Variants in TTLL5 observed in about 807,000 individuals in gnomAD.
The protein encoded by TTLL5 is tubulin tyrosine ligase like 5.
A neutral mutation model predicts 168.4 loss-of-function variants in TTLL5; 132 were observed. That is an observed-to-expected ratio of 0.78 (90% confidence interval 0.68 to 0.91). The LOEUF is 0.91. Among genes scored for constraint, TTLL5 ranks in the 40% least tolerant of loss-of-function variants. The pLI, the probability that TTLL5 is intolerant of heterozygous loss-of-function variation, is 0.00. For missense variants in TTLL5, 1,545 were observed against 1,581.5 expected (o/e 0.98, Z 0.39); for synonymous variants, 546 against 558.6 (o/e 0.98, Z 0.32).
chr14:75,930,526 G>C, intron 31 of TTLL5: 1 of 872,718 alleles, frequency 1.1e-6, no homozygotes, highest in Non-Finnish European at 1.4e-6. Context: ...AACACTTCTA[G>C]TCACAAGCAT....
Position 75,714,571 on chromosome 14 carries a change from G to A in TTLL5, c.741-3290G>A, listed in dbSNP as rs541691816. On this transcript the variant is annotated intron_variant, in intron 9 of 31. Transcript: ENST00000298832. The stretch of plus-strand genomic sequence containing the variant: ...TATTTATACCAATGCAGACTCAAGC[G>A]TTCCTGTTTTATTTAATGGGTTATA... 9.3e-4 allele frequency among the ~76,000 whole-genome samples: 142 copies of A among 152,120 alleles called. 1 individual carries two copies. Among genetic ancestry groups the A allele is most frequent in the Admixed American group, 1.8e-3 (27 of 15,288 alleles).
At chr14:75,847,047 G>T (rs1421228281) in intron 28 of TTLL5, among the ~76,000 whole-genome samples, 2 of 151,954 alleles carry the variant, frequency 1.3e-5, no homozygotes, top group South Asian at 4.1e-4. Flanking sequence ...TGTCGCCCAG[G>T]CTGCAGTATA....
At chr14:75,882,442 A>G (rs2031868697) in intron 29 of TTLL5, among the ~76,000 whole-genome samples, 1 of 152,200 alleles carries the variant, frequency 6.6e-6, no homozygotes, top group African/African-American at 2.4e-5. Context: ...TTAGTATCGC[A>G]GGTGCCCTGA....
intron 25 of TTLL5, 63 bp downstream of exon 25, chr14:75,782,636 A>G: frequency 7.5e-7 from 1 of 1,325,346 alleles, no homozygotes; most frequent in East Asian, 2.3e-5. Flanking sequence ...AGAAGGAAAT[A>G]GTCATCAGAT....
chr14:75,708,854 G>C (rs1324468679), intron 9 of TTLL5, among the ~76,000 whole-genome samples: 9 of 152,000 alleles, frequency 5.9e-5, no homozygotes, highest in Admixed American at 5.9e-4. Flanking sequence ...CTTTTTATGC[G>C]TAGTGCCTTT....
intron 27 of TTLL5, among the ~76,000 whole-genome samples, chr14:75,800,153 G>A (rs192796952): frequency 6.6e-6 from 1 of 152,248 alleles, no homozygotes; most frequent in Admixed American, 6.5e-5. Context: ...TGGAGGCTTT[G>A]TTCATTTTTG....
chr14:75,664,977 C>G (rs1280511748), intron 2 of TTLL5, among the ~76,000 whole-genome samples: 1 of 152,088 alleles, frequency 6.6e-6, no homozygotes, highest in Non-Finnish European at 1.5e-5. Context: ...ATAGTTTGAC[C>G]TAATATTATA....
intron 31 of TTLL5, among the ~76,000 whole-genome samples, chr14:75,902,857 C>G (rs7342560): frequency 6.6e-6 from 1 of 152,090 alleles, no homozygotes; most frequent in Non-Finnish European, 1.5e-5. Flanking sequence ...TATTGAGTAC[C>G]TACTCTAGAG....
chr14:75,731,370 TACATACACACAC>T (rs1279447532), intron 12 of TTLL5, among the ~76,000 whole-genome samples: 16 of 78,574 alleles, frequency 2.0e-4, no homozygotes, highest in African/African-American at 6.8e-4. Flanking sequence ...AATATACACA[TACATACACACAC>T]ACACACACAC....
intron 3 of TTLL5, among the ~76,000 whole-genome samples, chr14:75,678,870 C>T (rs1005387958): frequency 6.6e-6 from 1 of 152,172 alleles, no homozygotes; most frequent in Non-Finnish European, 1.5e-5. Flanking sequence ...TATAAGCATT[C>T]TCTGGTAAGA....
rs113039008 is a variant in TTLL5 at position 75,745,720 on chromosome 14, C to T, written c.1487+139C>T. On this transcript the variant is annotated intron_variant, in intron 17 of 31. Coordinates refer to ENST00000298832, the MANE Select transcript of TTLL5 (RefSeq NM_015072.5). ...TTATAATATGATAAATATTATCCAACCCGAGAACTAGATTATTGACAGTAA... is the reference window on the plus strand; with the variant it reads ...TTATAATATGATAAATATTATCCAATCCGAGAACTAGATTATTGACAGTAA... 5.4e-3 allele frequency: 3,605 copies of T among 671,642 alleles called. 115 individuals are homozygous for T. In the African/African-American group the frequency reaches 0.06, roughly 11 times the overall value. The allele number at this position is 671,642 out of a possible 1,614,324, so 41.6% of individuals were successfully genotyped here.
chr14:75,934,479 A>G (rs1250595762), intron 31 of TTLL5, among the ~76,000 whole-genome samples: 1 of 152,214 alleles, frequency 6.6e-6, no homozygotes, highest in Non-Finnish European at 1.5e-5. Flanking sequence ...ATGATCTGTA[A>G]GATAAAAACT....
intron 31 of TTLL5, among the ~76,000 whole-genome samples, chr14:75,924,916 A>C (rs969116278): frequency 7.4e-6 from 1 of 135,194 alleles, no homozygotes; most frequent in Non-Finnish European, 1.6e-5. Context: ...CGGGGGGCTG[A>C]CCCCCCCACC....
intron 31 of TTLL5, among the ~76,000 whole-genome samples, chr14:75,952,531 A>C (rs2034993254): frequency 6.6e-6 from 1 of 152,208 alleles, no homozygotes; most frequent in Admixed American, 6.5e-5. Flanking sequence ...TACCCAAGAG[A>C]AATGAAAACA....
At chr14:75,779,740 C>G in intron 24 of TTLL5, 38 bp downstream of exon 24, 2 of 1,570,888 alleles carry the variant, frequency 1.3e-6, no homozygotes, top group Non-Finnish European at 1.7e-6. Flanking sequence ...ATAAGAAGAA[C>G]AAGTGAAGAA....
chr14:75,688,661 A>G (rs1885236120), intron 5 of TTLL5, among the ~76,000 whole-genome samples: 2 of 152,068 alleles, frequency 1.3e-5, no homozygotes, highest in South Asian at 4.1e-4. Context: ...ACTTATGGGA[A>G]CTGACACTAT....
chr14:75,862,186 A>C (rs1396710580), intron 28 of TTLL5, among the ~76,000 whole-genome samples: 2 of 152,220 alleles, frequency 1.3e-5, no homozygotes, highest in Non-Finnish European at 2.9e-5. Context: ...CATATGTCAG[A>C]ATTTCCTTTC....
intron 12 of TTLL5, among the ~76,000 whole-genome samples, chr14:75,722,960 G>A (rs1314202132): frequency 6.6e-6 from 1 of 152,104 alleles, no homozygotes; most frequent in Non-Finnish European, 1.5e-5. Context: ...CCCAGAGTTA[G>A]CCTGCTCTGC....
chr14:75,934,111 T>C (rs2034361992), intron 31 of TTLL5, among the ~76,000 whole-genome samples: 1 of 152,218 alleles, frequency 6.6e-6, no homozygotes, highest in Non-Finnish European at 1.5e-5. Context: ...CAGAAAGCCA[T>C]GAGAGCCTGA....
Sources: allele counts gnomAD v4.1 joint callset (sites outside exome capture counted in the v4.1 genomes callset), GRCh38; gene constraint gnomAD v4.1.1; transcripts MANE v1.5; gene names NCBI Gene and HGNC (gene_info 2026-07-23, HGNC 2026-07-21).